ZMAT4: variants seen among roughly 807,000 people sequenced by gnomAD.
ZMAT4 encodes zinc finger matrin-type 4.
A neutral mutation model predicts 28.7 loss-of-function variants in ZMAT4; 17 were observed. That is an observed-to-expected ratio of 0.59 (90% CI 0.41 to 0.89). ZMAT4 has a LOEUF of 0.89. Among genes scored for constraint, ZMAT4 ranks in the 40% least tolerant of loss-of-function variants. ZMAT4 has a pLI of 0.00. For missense variants in ZMAT4, 240 were observed against 283.8 expected (o/e 0.85, Z 1.11); for synonymous variants, 117 against 109.2 (o/e 1.07, Z -0.44).
At chr8:40,849,281 A>G (rs886152421) in intron 1 of ZMAT4, among the ~76,000 whole-genome samples, 22 of 152,152 alleles carry the variant, frequency 1.4e-4, no homozygotes, top group African/African-American at 5.3e-4. Flanking sequence ...TCATCTTCTA[A>G]CCAAACAAAC....
intron 5 of ZMAT4, among the ~76,000 whole-genome samples, chr8:40,653,184 A>G (rs1337421065): frequency 6.6e-6 from 1 of 152,158 alleles, no homozygotes; most frequent in Admixed American, 6.6e-5. Flanking sequence ...AAAAATGGAC[A>G]GCAAAAAATA....
rs1168992790 is a variant in ZMAT4, at chr8:40,897,824, T to A, written c.-146A>T. ...AGACCTTTCGGCAGCTCGGACCAAC[T>A]GTGCTAGCGATGCACTTAGCAATTA... On this transcript the variant is annotated 5_prime_UTR_variant, in exon 1 of 7. Coordinates refer to ENST00000297737, the MANE Select transcript of ZMAT4 (RefSeq NM_024645.3). 3 of 152,354 alleles carry A rather than the reference T, an allele frequency of 2.0e-5. No homozygotes were observed. Among genetic ancestry groups the A allele is most frequent in the African/African-American group, 7.2e-5 (3 of 41,484 alleles). The allele number at this position is 152,354 out of a possible 1,614,324, so 9.4% of individuals were successfully genotyped here. A position where few individuals can be genotyped will look rare whatever the true frequency, so the allele number is the denominator to read the frequency against.
At chr8:40,791,819 G>A (rs1223765058) in intron 2 of ZMAT4, among the ~76,000 whole-genome samples, 1 of 152,198 alleles carries the variant, frequency 6.6e-6, no homozygotes, top group Non-Finnish European at 1.5e-5. Flanking sequence ...CACAGACAAG[G>A]AAGCTATAGG....
chr8:40,895,906 C>T (rs541129021), intron 1 of ZMAT4, among the ~76,000 whole-genome samples: 36 of 152,284 alleles, frequency 2.4e-4, no homozygotes, highest in South Asian at 6.2e-4. Context: ...CCACAGAGGA[C>T]GACGTCCATG....
At chr8:40,611,622 G>A (rs1379327776) in intron 5 of ZMAT4, among the ~76,000 whole-genome samples, 2 of 152,190 alleles carry the variant, frequency 1.3e-5, no homozygotes, top group East Asian at 1.9e-4. Context: ...TTACAGGCGT[G>A]AGCCATCGCA....
intron 3 of ZMAT4, among the ~76,000 whole-genome samples, chr8:40,732,922 T>C (rs1481724862): frequency 7.0e-6 from 1 of 143,174 alleles, no homozygotes; most frequent in African/African-American, 2.6e-5. Context: ...CATAGCTTAC[T>C]GCATCTTCGA....
chr8:40,642,185 T>G (rs1318330050), intron 5 of ZMAT4, among the ~76,000 whole-genome samples: 1 of 152,144 alleles, frequency 6.6e-6, no homozygotes, highest in Middle Eastern at 3.2e-3. Flanking sequence ...GTACGCAGGT[T>G]AAAAGAGTTG....
At chr8:40,667,449 C>T (rs1426493454) in intron 5 of ZMAT4, among the ~76,000 whole-genome samples, 2 of 152,110 alleles carry the variant, frequency 1.3e-5, no homozygotes, top group African/African-American at 2.4e-5. Flanking sequence ...CCACCGTGCC[C>T]GGCCCTGTCC....
rs1203537321 is a variant in ZMAT4, at chr8:40,586,931, G to A, written c.578-5670C>T. Among the ~76,000 whole-genome samples the A allele has an allele frequency of 2.0e-5, 3 of 152,078 alleles. No homozygotes were observed. The East Asian group carries it at 5.8e-4, about 29-fold the overall frequency. On this transcript the variant is annotated intron_variant, in intron 5 of 6. Transcript: ENST00000297737. ...TGAGGAAGAAAGTAAGTGGGAAGAA[G>A]AGTGATTTGGGATAGTATGGTCAAC... is the stretch of plus-strand genomic sequence containing the variant.
At chr8:40,538,211 A>C (rs1367712832) in intron 6 of ZMAT4, among the ~76,000 whole-genome samples, 1 of 152,172 alleles carries the variant, frequency 6.6e-6, no homozygotes, top group Non-Finnish European at 1.5e-5. Context: ...CTGCAAATAA[A>C]AACTTGTGCC....
chr8:40,607,399 G>A lies in ZMAT4; in HGVS notation c.578-26138C>T, dbSNP rs187271482. On this transcript the variant is annotated intron_variant, in intron 5 of 6. Coordinates refer to ENST00000297737, the MANE Select transcript of ZMAT4 (RefSeq NM_024645.3). Reference sequence around the variant, plus strand: ...GCCCACTCAGCCTCCCAAAGTACTGGGATTACAGGCATGAGCCACGGTGCC... The same window carrying A: ...GCCCACTCAGCCTCCCAAAGTACTGAGATTACAGGCATGAGCCACGGTGCC... Among the ~76,000 whole-genome samples the A allele has an allele frequency of 3.8e-4, 58 of 151,896 alleles. No individual in the cohort carries two copies. The Middle Eastern group carries it at 0.014, about 36-fold the overall frequency.
chr8:40,888,186 T>TCCTTCTC (rs1818539364), intron 1 of ZMAT4, among the ~76,000 whole-genome samples: 1 of 152,156 alleles, frequency 6.6e-6, no homozygotes, highest in Admixed American at 6.5e-5. Context: ...TCCACACCCC[T>TCCTTCTC]CCTTCTCCAG....
intron 2 of ZMAT4, among the ~76,000 whole-genome samples, chr8:40,798,972 C>T (rs1252237187): frequency 1.3e-5 from 2 of 152,218 alleles, no homozygotes; most frequent in East Asian, 3.9e-4. Flanking sequence ...CTTTAGCATC[C>T]TGCCTAGCTT....
In ZMAT4 at chr8:40,725,701, G is replaced by A. The variant is rs558212878; in HGVS notation, c.193-28300C>T. Among the ~76,000 whole-genome samples, 163 of 152,218 alleles carry A rather than the reference G, an allele frequency of 1.1e-3. 2 individuals carry two copies. Among genetic ancestry groups the A allele is most frequent in the Non-Finnish European group, 5.3e-4 (36 of 68,018 alleles). ...CAGGAGAATCGCTTGAACCTGGGGG[G>A]CAGAGGTTGCAATGAGCCAAGATCG... On this transcript the variant is annotated intron_variant, in intron 3 of 6. Transcript: ENST00000297737.
At chr8:40,886,637 C>G (rs1013230027) in intron 1 of ZMAT4, among the ~76,000 whole-genome samples, 3 of 152,192 alleles carry the variant, frequency 2.0e-5, no homozygotes, top group Admixed American at 2.0e-4. Flanking sequence ...CTACCTCTAA[C>G]TTTAAAAGAG....
At chr8:40,734,265 C>T (rs1811663902) in intron 3 of ZMAT4, among the ~76,000 whole-genome samples, 1 of 152,108 alleles carries the variant, frequency 6.6e-6, no homozygotes. Context: ...CTGCTAAGTA[C>T]CTGTAACACC....
chr8:40,788,570 G>C (rs1368567473), intron 2 of ZMAT4, among the ~76,000 whole-genome samples: 1 of 152,086 alleles, frequency 6.6e-6, no homozygotes, highest in East Asian at 1.9e-4. Flanking sequence ...CTGGGTGACA[G>C]AAATTAAATT....
At position 40,843,849 on chromosome 8, in the gene ZMAT4, G is replaced by A. The variant is rs113310090; in HGVS notation, c.-4-18169C>T. ...TGAGTGGGTTTGATGCCAGCCTTGAGTTTTGGCTGATTGGGCAATTGGGGC... is the reference window on the plus strand; with the variant it reads ...TGAGTGGGTTTGATGCCAGCCTTGAATTTTGGCTGATTGGGCAATTGGGGC... On this transcript the variant is annotated intron_variant, in intron 1 of 6. Transcript: ENST00000297737. Among the ~76,000 whole-genome samples, 1,217 of 152,326 alleles carry A rather than the reference G, an allele frequency of 8.0e-3. 18 individuals carry two copies. Among genetic ancestry groups the A allele is most frequent in the African/African-American group, 0.026 (1,071 of 41,572 alleles).
intron 3 of ZMAT4, among the ~76,000 whole-genome samples, chr8:40,737,114 C>T (rs1019069732): frequency 2.6e-5 from 4 of 152,186 alleles, no homozygotes; most frequent in Admixed American, 1.3e-4. Context: ...ACAGAGAGCA[C>T]ATTTAGAGCA....
Sources: allele counts gnomAD v4.1 joint callset (sites outside exome capture counted in the v4.1 genomes callset), GRCh38; gene constraint gnomAD v4.1.1; transcripts MANE v1.5; gene names NCBI Gene and HGNC (gene_info 2026-07-23, HGNC 2026-07-21).